Variants in ZNF534 observed in about 807,000 individuals in gnomAD.
ZNF534 encodes zinc finger protein 534.
ZNF534 carries 19 observed loss-of-function variants against 13.6 expected under a neutral mutation model. The ratio of observed to expected loss-of-function variants is 1.40; its 90% CI spans 0.97 to 2.05. ZNF534 has a LOEUF of 2.05. Among genes scored for constraint, ZNF534 ranks in the 30% most tolerant of loss-of-function variants. The probability of loss-of-function intolerance (pLI) is 0.00; values close to 1 mark genes in which losing one functional copy is unlikely to be tolerated. For missense variants in ZNF534, 782 were observed against 796.3 expected, an observed-to-expected ratio of 0.98 and a Z score of 0.22; for synonymous variants, 244 against 273.8, an observed-to-expected ratio of 0.89 and a Z score of 1.07.
chr19:52,450,036 A>G (rs1483791270), intron 4 of ZNF534, among the ~76,000 whole-genome samples: 1 of 152,122 alleles, frequency 6.6e-6, no homozygotes, highest in Non-Finnish European at 1.5e-5. Flanking sequence ...AAAAATTGCT[A>G]TCGTGATGTT....
rs796302296 is a variant in ZNF534 at position 52,429,955 on chromosome 19, CT to C, written c.-68+721del. Reference sequence around the variant, plus strand: ...CTCAGTGCTTTTTTTTCATGTAACCCTTTTTTTTTTCCCTTAACAATGCCCT... The same window carrying C: ...CTCAGTGCTTTTTTTTCATGTAACCCTTTTTTTTTCCCTTAACAATGCCCT... On this transcript the variant is annotated intron_variant, in intron 1 of 4. Transcript: ENST00000433050. Among the ~76,000 whole-genome samples, 16 of 144,684 alleles carry C rather than the reference CT, an allele frequency of 1.1e-4. No individual in the cohort carries two copies. The East Asian group carries it at 2.0e-3, about 18-fold the overall frequency. The allele number at this position is 144,684 out of a possible 152,430, so 94.9% of individuals were successfully genotyped here. A position where few individuals can be genotyped will look rare whatever the true frequency, so the allele number is the denominator to read the frequency against.
rs1230252304 is a variant in ZNF534 at position 52,439,116 on chromosome 19, T to C, written c.1656T>C (p.Cys552=). 1 of 1,595,794 alleles carries C rather than the reference T, an allele frequency of 6.3e-7. No homozygotes were observed. The highest frequency in any genetic ancestry group is 8.5e-7 in the Non-Finnish European group (1 of 1,170,536). ...NVHTGEKPYS[C]NECGKVFSRN... is the part of the protein sequence containing the mutation. Reference sequence around the variant, plus strand: ...ATACTGGAGAAAAGCCTTACAGTTGTAATGAATGTGGCAAGGTCTTCAGTC... The same window carrying C: ...ATACTGGAGAAAAGCCTTACAGTTGCAATGAATGTGGCAAGGTCTTCAGTC... Residue 552 remains cysteine (C), a synonymous_variant, in exon 5 of 5, where the codon TGT becomes TGC. Coordinates refer to ENST00000433050, the MANE Select transcript of ZNF534 (RefSeq NM_001143938.3).
At chr19:52,448,986 C>T (rs1041772663) in intron 4 of ZNF534, among the ~76,000 whole-genome samples, 1 of 152,040 alleles carries the variant, frequency 6.6e-6, no homozygotes, top group African/African-American at 2.4e-5. Context: ...TACCCATTAA[C>T]CTACTTCTTT....
downstream of ZNF534, among the ~76,000 whole-genome samples, chr19:52,445,934 G>A (rs2059192923): frequency 6.6e-6 from 1 of 152,122 alleles, no homozygotes; most frequent in Non-Finnish European, 1.5e-5. Context: ...GAAAAACACA[G>A]GGAATATATA....
rs758829376 is a variant in ZNF534 at position 52,438,922 on chromosome 19, C to A, written c.1462C>A (p.His488Asn). ...NSNLQRHRKIHTGEKLYKCNE... is the reference protein window; with the variant it reads ...NSNLQRHRKINTGEKLYKCNE... ...AAACCTTCAACGACATAGGAAAATT[C>A]ATACTGGAGAGAAGCTTTACAAATG... is the stretch of plus-strand genomic sequence containing the variant. The change falls in exon 5 of 5, where the codon CAT becomes AAT. Residue 488 changes from histidine to asparagine, a missense_variant. This residue lies in a region of ZNF534 where 591 missense variants were observed against 574.0 expected (regional missense o/e 1.03). Transcript: ENST00000433050. 6.3e-7 allele frequency: 1 copy of A among 1,593,450 alleles called. No individual in the cohort carries two copies. Among genetic ancestry groups the A allele is most frequent in the East Asian group, 2.3e-5 (1 of 43,784 alleles).
At chr19:52,451,215 C>T (rs2059213534) in exon 5 of ZNF534, 2 of 709,624 alleles carry the variant, frequency 2.8e-6, no homozygotes, top group Non-Finnish European at 5.2e-6. Context: ...GGGACGCGCG[C>T]GTCTTCAGGG....
chr19:52,451,470 G>A (rs1782326211), exon 5 of ZNF534: 3 of 577,778 alleles, frequency 5.2e-6, no homozygotes, highest in Non-Finnish European at 6.1e-6. Context: ...AGCGTTGGCC[G>A]CCTGAGCAGA....
chr19:52,438,408 T>C lies in ZNF534; in HGVS notation c.948T>C (p.His316=). The C allele has an allele frequency of 6.2e-7, 1 of 1,613,896 alleles. No individual in the cohort carries two copies. Among genetic ancestry groups the C allele is most frequent in the Non-Finnish European group, 8.5e-7 (1 of 1,179,922 alleles). Residue 316 remains histidine (H), a synonymous_variant, in exon 5 of 5, where the codon CAT becomes CAC. Coordinates refer to ENST00000433050, the MANE Select transcript of ZNF534 (RefSeq NM_001143938.3). ...GTGTGTGTTCCAGTCTTACTGCTCA[T>C]CTTGTAATCCATACTGGAGAGAAAC... The part of the protein sequence containing the change: ...AFSVCSSLTA[H]LVIHTGEKPY...
chr19:52,438,460 G>A lies in ZNF534; in HGVS notation c.1000G>A (p.Val334Ile). The change falls in exon 5 of 5, where the codon GTC (valine) becomes ATC (isoleucine). Residue 334 changes from valine to isoleucine, a missense_variant. This residue lies in a region of ZNF534 where 591 missense variants were observed against 574.0 expected (regional missense o/e 1.03). Transcript: ENST00000433050. ...TTATGATTGTAAGGAATGTGGCAAG[G>A]TCTTCAGGCATAAGTCTTCCCTAAC... ...KPYDCKECGK[V>I]FRHKSSLTTH... The A allele has an allele frequency of 3.7e-6, 6 of 1,606,214 alleles. No homozygotes were observed. The highest frequency in any genetic ancestry group is 4.3e-6 in the Non-Finnish European group (5 of 1,175,704).
chr19:52,450,527 TC>T (rs1292453920), intron 4 of ZNF534, among the ~76,000 whole-genome samples: 1 of 152,086 alleles, frequency 6.6e-6, no homozygotes, highest in Non-Finnish European at 1.5e-5. Flanking sequence ...TCTATTTTTA[TC>T]CCAGTAGCAA....
At chr19:52,447,878 T>C (rs1471432005) in intron 4 of ZNF534, among the ~76,000 whole-genome samples, 2 of 51,984 alleles carry the variant, frequency 3.8e-5, no homozygotes, top group African/African-American at 1.2e-4. Context: ...ATTTAGTTTT[T>C]AGACTTTTTT....
In ZNF534 at chr19:52,435,078, T is replaced by G. The variant is rs374288584; in HGVS notation, c.143-3T>G. 6 of 1,610,928 alleles carry G rather than the reference T, an allele frequency of 3.7e-6. No homozygotes were observed. In the African/African-American group the frequency reaches 4.0e-5, roughly 11 times the overall value. On this transcript the variant is annotated splice_region_variant and splice_polypyrimidine_tract_variant and intron_variant, in intron 3 of 4. Coordinates refer to ENST00000433050, the MANE Select transcript of ZNF534 (RefSeq NM_001143938.3). ...CACATTTATTCTTTCTTTTTGTAAG[T>G]AGGAATCTGTCTTCCTGACCTGAGT...
chr19:52,434,606 C>A (rs979912384), intron 3 of ZNF534, among the ~76,000 whole-genome samples: 1 of 151,746 alleles, frequency 6.6e-6, no homozygotes, highest in African/African-American at 2.4e-5. Context: ...TGGTACATGC[C>A]TGTAGTCCCA....
In ZNF534 at chr19:52,437,820, G is replaced by C. The variant is rs202068094; in HGVS notation, c.360G>C (p.Trp120Cys). The C allele has an allele frequency of 1.8e-4, 293 of 1,613,478 alleles. 3 individuals carry two copies. In the Middle Eastern group the frequency reaches 2.6e-3, roughly 15 times the overall value. Residue 120 changes from tryptophan (W) to cysteine (C), a missense_variant, in exon 5 of 5, where the codon TGG becomes TGC. Physicochemically the swap from Trp to Cys is radical, Grantham distance 215 (BLOSUM62 -2). Coordinates refer to ENST00000433050, the MANE Select transcript of ZNF534 (RefSeq NM_001143938.3). ...CTCTTCAGTTACATCTGACTGAATG[G>C]CAGCCATTTCAAGCTGTAAGGAATA... ...GLTLQLHLTE[W>C]QPFQAVRNIY...
downstream of ZNF534, among the ~76,000 whole-genome samples, chr19:52,443,725 G>C (rs954923541): frequency 1.4e-5 from 2 of 145,606 alleles, no homozygotes; most frequent in African/African-American, 5.1e-5. Flanking sequence ...ACTCCAGCCT[G>C]GGTGATGTAG....
chr19:52,447,506 C>T lies in ZNF534; in HGVS notation c.272-3681C>T, dbSNP rs188708991. Among the ~76,000 whole-genome samples, 262 of 152,172 alleles carry T rather than the reference C, an allele frequency of 1.7e-3. 4 individuals are homozygous for T. The highest frequency in any genetic ancestry group is 7.3e-3 in the South Asian group (35 of 4,818). On this transcript the variant is annotated intron_variant, in intron 4 of 4. Coordinates refer to the ZNF534 transcript ENST00000301085. ...GTTTTAACACTAACAGTGACATTTT[C>T]CCTAAGGTATGTAGGTGTTCTTCAG...
chr19:52,449,448 A>G (rs1338304885), intron 4 of ZNF534, among the ~76,000 whole-genome samples: 8 of 152,112 alleles, frequency 5.3e-5, no homozygotes, highest in African/African-American at 1.9e-4. Flanking sequence ...AAGAACATCC[A>G]TACTATTTTC....
chr19:52,432,949 A>G (rs1016424119), intron 2 of ZNF534, among the ~76,000 whole-genome samples: 4 of 151,976 alleles, frequency 2.6e-5, no homozygotes, highest in African/African-American at 9.7e-5. Context: ...ACCATTTTTA[A>G]AAACCACTAT....
At position 52,439,083 on chromosome 19, in the gene ZNF534, G is replaced by C; in HGVS notation, c.1623G>C (p.Arg541Ser). 6.3e-7 allele frequency: 1 copy of C among 1,593,628 alleles called. No homozygotes were observed. The highest frequency in any genetic ancestry group is 8.6e-7 in the Non-Finnish European group (1 of 1,169,564). Residue 541 changes from arginine (R) to serine (S), a missense_variant, in exon 5 of 5, where the codon AGG (arginine) becomes AGC (serine). By Grantham distance (110) the Arg-to-Ser change is moderately radical. Around this residue, in one of 5 missense-constraint regions of ZNF534, gnomAD observed 591 missense variants for 574.0 expected, o/e 1.03. Transcript: ENST00000433050. ...GGAATTCACACCTTGTGCGACATAG[G>C]AATGTTCATACTGGAGAAAAGCCTT... is the stretch of plus-strand genomic sequence containing the variant. ...FRRNSHLVRH[R>S]NVHTGEKPYS...
Sources: allele counts gnomAD v4.1 joint callset (sites outside exome capture counted in the v4.1 genomes callset), GRCh38; gene constraint gnomAD v4.1.1; regional missense constraint gnomAD v4.1.1; transcripts MANE v1.5; gene names NCBI Gene and HGNC (gene_info 2026-07-23, HGNC 2026-07-21).